The following ATRX variants were observed in gnomAD, a reference collection of about 807,000 sequenced individuals.
The protein encoded by ATRX is chromatin remodeler ATRX.
Under a neutral mutation model 172.6 loss-of-function variants are expected in ATRX, and 12 were observed. That is an observed-to-expected ratio of 0.07 (90% CI 0.04 to 0.11). The LOEUF is 0.11. ATRX is among the 10% of genes least tolerant of loss of function. The probability of loss-of-function intolerance (pLI) is 1.00; values close to 1 mark genes in which losing one functional copy is unlikely to be tolerated. For missense variants in ATRX, 1,368 were observed against 1,767.4 expected, an observed-to-expected ratio of 0.77 and a Z score of 4.05; for synonymous variants, 674 against 594.7, an observed-to-expected ratio of 1.13 and a Z score of -1.94.
rs138097198 is a variant in ATRX, at chrX:77,668,685, C to T, written c.3810-3907G>A. On this transcript the variant is annotated intron_variant, in intron 10 of 34. Coordinates refer to ENST00000373344, the MANE Select transcript of ATRX (RefSeq NM_000489.6). ...ACAAACAAACAATGATCGGAACTGG[C>T]GCATGAGAAAATAAATAGGACCCCA... is the stretch of plus-strand genomic sequence containing the variant. Among the ~76,000 whole-genome samples the T allele has an allele frequency of 7.9e-4, 87 of 110,673 alleles. 3 individuals are homozygous for T. The East Asian group carries it at 0.021, about 27-fold the overall frequency.
chrX:77,508,768 G>T (rs1557035061), intron 34 of ATRX, 139 bp from the exon 35 acceptor site: 9 of 655,141 alleles, frequency 1.4e-5, no homozygotes, highest in African/African-American at 4.3e-5. Flanking sequence ...TTACTAATGT[G>T]ATGGCATTCA....
At chrX:77,620,167 A>G (rs782403121) in intron 20 of ATRX, among the ~76,000 whole-genome samples, 40 of 112,431 alleles carry the variant, frequency 3.6e-4, no homozygotes, top group African/African-American at 1.3e-3. Context: ...CCATATTTAT[A>G]TATGAACATT....
Position 77,777,380 on chromosome X carries a change from C to CAACAAAACAA in ATRX, c.20+8592_20+8601dup, listed in dbSNP as rs199850537. Among the ~76,000 whole-genome samples the CAACAAAACAA allele has an allele frequency of 2.7e-3, 290 of 106,567 alleles. 2 individuals carry two copies. Among genetic ancestry groups the CAACAAAACAA allele is most frequent in the African/African-American group, 9.5e-3 (278 of 29,273 alleles). 92.5% of individuals were successfully genotyped at this position (106,567 alleles called of 115,157 possible). On this transcript the variant is annotated intron_variant, in intron 1 of 34. Coordinates refer to ENST00000373344, the MANE Select transcript of ATRX (RefSeq NM_000489.6). ...TGGGCGACAGAGCAAGACTCCGTCT[C>CAACAAAACAA]AACAAAACAAAACAAAACAAAACAA...
chrX:77,778,551 T>C (rs1163491942), intron 1 of ATRX, among the ~76,000 whole-genome samples: 4 of 109,610 alleles, frequency 3.6e-5, no homozygotes, highest in Admixed American at 9.8e-5. Context: ...TGAAATCCCA[T>C]CTCTACTAAA....
chrX:77,718,441 T>C (rs1474172251), intron 1 of ATRX, among the ~76,000 whole-genome samples: 1 of 106,867 alleles, frequency 9.4e-6, no homozygotes, highest in Non-Finnish European at 1.9e-5. Flanking sequence ...TGGCGTGATC[T>C]TGGCTCACTG....
chrX:77,739,042 G>A (rs1041750619), intron 1 of ATRX, among the ~76,000 whole-genome samples: 2 of 110,655 alleles, frequency 1.8e-5, no homozygotes, highest in Admixed American at 9.8e-5. Context: ...GGTTACACGA[G>A]TAAATTCTTT....
At chrX:77,757,540 T>C (rs1043575371) in intron 1 of ATRX, among the ~76,000 whole-genome samples, 6 of 111,824 alleles carry the variant, frequency 5.4e-5, no homozygotes, top group Non-Finnish European at 9.4e-5. Context: ...AATAAAATAA[T>C]CTCTAAATCA....
chrX:77,555,732 C>T (rs1252667066), intron 30 of ATRX, among the ~76,000 whole-genome samples: 2 of 110,369 alleles, frequency 1.8e-5, no homozygotes, highest in African/African-American at 6.6e-5. Context: ...GGAGGGAGAA[C>T]ATTAGGACAA....
intron 6 of ATRX, among the ~76,000 whole-genome samples, chrX:77,691,809 A>G (rs1234045101): frequency 2.7e-5 from 3 of 111,880 alleles, no homozygotes; most frequent in Admixed American, 9.5e-5. Flanking sequence ...CAATTTATCT[A>G]TATATGTGTA....
chrX:77,760,883 T>C (rs1267941576), intron 1 of ATRX, among the ~76,000 whole-genome samples: 3 of 112,092 alleles, frequency 2.7e-5, no homozygotes, highest in African/African-American at 9.7e-5. Flanking sequence ...AGTGTGTAAA[T>C]TTCATATTTT....
At chrX:77,627,228 G>A (rs1245922451) in intron 19 of ATRX, among the ~76,000 whole-genome samples, 3 of 108,258 alleles carry the variant, frequency 2.8e-5, no homozygotes, top group African/African-American at 6.8e-5. Flanking sequence ...GTGAGACTCC[G>A]TCTCAAAAAA....
chrX:77,716,504 A>G (rs1309305608), intron 2 of ATRX, among the ~76,000 whole-genome samples: 1 of 108,133 alleles, frequency 9.2e-6, no homozygotes, highest in Non-Finnish European at 1.9e-5. Flanking sequence ...TTATCCTAGC[A>G]CTTCGGGAGG....
At position 77,599,825 on chromosome X, in the gene ATRX, A is replaced by G; in HGVS notation, c.5698-5T>C. The G allele has an allele frequency of 8.5e-7, 1 of 1,171,644 alleles. No individual in the cohort carries two copies. The highest frequency in any genetic ancestry group is 1.2e-6 in the Non-Finnish European group (1 of 859,915). ...ACTGTCTTCATCAAAATAACCCTAG[A>G]GAAAAAAAAATGACCACTATTTTAA... is the stretch of plus-strand genomic sequence containing the variant. On this transcript the variant is annotated splice_region_variant and splice_polypyrimidine_tract_variant and intron_variant, in intron 23 of 34. Coordinates refer to ENST00000373344, the MANE Select transcript of ATRX (RefSeq NM_000489.6).
At chrX:77,754,171 T>C in intron 1 of ATRX, among the ~76,000 whole-genome samples, 1 of 111,581 alleles carries the variant, frequency 9.0e-6, no homozygotes, top group Non-Finnish European at 1.9e-5. Flanking sequence ...CCTTTTTTTT[T>C]TGTTTTTTCC....
chrX:77,633,410 T>C (rs1557106524), intron 18 of ATRX, 26 bp from the exon 19 acceptor site: 6 of 1,191,390 alleles, frequency 5.0e-6, no homozygotes, highest in Admixed American at 2.2e-5. Context: ...AAAGATTTTT[T>C]TAAGTAGCTA....
chrX:77,509,796 C>A (rs899724965), intron 34 of ATRX, among the ~76,000 whole-genome samples: 13 of 109,655 alleles, frequency 1.2e-4, no homozygotes, highest in Non-Finnish European at 2.5e-4. Context: ...TTCCGACAAG[C>A]TTTGCCACTG....
At chrX:77,552,262 C>T (rs782765220) in intron 30 of ATRX, among the ~76,000 whole-genome samples, 3 of 110,495 alleles carry the variant, frequency 2.7e-5, no homozygotes, top group African/African-American at 9.9e-5. Context: ...CACATATACA[C>T]CATGGAATAC....
chrX:77,640,259 A>C (rs1391888305), intron 15 of ATRX, among the ~76,000 whole-genome samples: 2 of 111,454 alleles, frequency 1.8e-5, no homozygotes, highest in African/African-American at 6.5e-5. Flanking sequence ...CACATCCCAA[A>C]CCTGAGCATC....
intron 1 of ATRX, among the ~76,000 whole-genome samples, chrX:77,735,757 G>A (rs782324283): frequency 4.2e-5 from 4 of 95,422 alleles, no homozygotes; most frequent in East Asian, 6.6e-4. Context: ...AGCCGAGATC[G>A]TGCCACTGCA....
Sources: gnomAD v4.1 joint callset for allele counts (sites outside exome capture counted in the v4.1 genomes callset) on GRCh38, gnomAD v4.1.1 for gene constraint, MANE v1.5 for transcripts, NCBI Gene and HGNC (gene_info 2026-07-23, HGNC 2026-07-21) for gene names.